Variants in TERB1 observed in about 807,000 individuals in gnomAD.
TERB1 encodes telomere repeats-binding bouquet formation protein 1.
In TERB1, 63 loss-of-function variants were observed where a neutral mutation model predicts 92.3. The ratio of observed to expected loss-of-function variants is 0.68; its 90% confidence interval spans 0.56 to 0.84. The LOEUF (loss-of-function observed/expected upper bound fraction) is 0.84, where lower values mean the gene tolerates loss of function less well. Ranked by LOEUF, TERB1 falls within the 40% of genes least tolerant of loss-of-function variation. The probability of loss-of-function intolerance (pLI) is 0.00; values close to 1 mark genes in which losing one functional copy is unlikely to be tolerated. For missense variants in TERB1, 709 were observed against 843.7 expected, an observed-to-expected ratio of 0.84 and a Z score of 1.98; for synonymous variants, 252 against 283.9, an observed-to-expected ratio of 0.89 and a Z score of 1.13.
At chr16:66,755,386 T>C (rs576905464) in intron 18 of TERB1, among the ~76,000 whole-genome samples, 1 of 152,368 alleles carries the variant, frequency 6.6e-6, no homozygotes, top group South Asian at 2.1e-4. Flanking sequence ...TAATTATAAC[T>C]TAATTGACAG....
chr16:66,771,909 G>T (rs1464541221), intron 13 of TERB1, among the ~76,000 whole-genome samples: 1 of 151,952 alleles, frequency 6.6e-6, no homozygotes, highest in Non-Finnish European at 1.5e-5. Context: ...TGCATACATA[G>T]AAAAATATAT....
chr16:66,759,822 A>AAG (rs1567464387), intron 16 of TERB1, among the ~76,000 whole-genome samples: 5 of 144,632 alleles, frequency 3.5e-5, no homozygotes, highest in Middle Eastern at 3.7e-3. Flanking sequence ...AAAAAAAAGG[A>AAG]AAGAAAGAAA....
chr16:66,786,344 G>A, intron 6 of TERB1, 59 bp from the exon 7 acceptor site: 10 of 1,166,636 alleles, frequency 8.6e-6, no homozygotes, highest in Non-Finnish European at 1.2e-5. Flanking sequence ...TTGCAGAAAT[G>A]AAGAACAGTT....
intron 10 of TERB1, among the ~76,000 whole-genome samples, 191 bp downstream of exon 10, chr16:66,778,672 C>T (rs1047031625): frequency 2.6e-5 from 4 of 152,344 alleles, no homozygotes; most frequent in Non-Finnish European, 5.9e-5. Flanking sequence ...CCCGCCTTGG[C>T]CTCCCAAAGT....
intron 13 of TERB1, among the ~76,000 whole-genome samples, 173 bp from the exon 14 acceptor site, chr16:66,770,482 A>T (rs1289554470): frequency 6.6e-6 from 1 of 152,210 alleles, no homozygotes; most frequent in Non-Finnish European, 1.5e-5. Flanking sequence ...ATTAAACAAT[A>T]TTGGGACAAT....
intron 9 of TERB1, among the ~76,000 whole-genome samples, chr16:66,779,644 T>A (rs1484114839): frequency 6.6e-6 from 1 of 151,904 alleles, no homozygotes; most frequent in Non-Finnish European, 1.5e-5. Context: ...AAAAAACACC[T>A]AACCCTCAAC....
intron 12 of TERB1, among the ~76,000 whole-genome samples, chr16:66,774,803 T>C (rs2018517416): frequency 6.6e-6 from 1 of 151,764 alleles, no homozygotes; most frequent in Admixed American, 6.6e-5. Context: ...ATGATCCTTC[T>C]ACCTCAGCTT....
intron 3 of TERB1, among the ~76,000 whole-genome samples, chr16:66,792,214 C>T (rs528087116): frequency 2.0e-4 from 30 of 152,270 alleles, no homozygotes; most frequent in African/African-American, 4.3e-4. Flanking sequence ...TAAAATCCAA[C>T]GTGCATCCCT....
chr16:66,776,976 G>A (rs564180808), intron 11 of TERB1, among the ~76,000 whole-genome samples: 4 of 152,268 alleles, frequency 2.6e-5, no homozygotes, highest in Middle Eastern at 3.4e-3. Context: ...GAACTGGACA[G>A]AAAGGGATCA....
At chr16:66,761,333 T>G (rs887074164) in intron 16 of TERB1, among the ~76,000 whole-genome samples, 7 of 149,902 alleles carry the variant, frequency 4.7e-5, no homozygotes, top group Middle Eastern at 3.5e-3. Context: ...GTGCCTGTAA[T>G]CCCAGCTACT....
intron 2 of TERB1, among the ~76,000 whole-genome samples, chr16:66,799,595 T>G (rs1170397339): frequency 1.3e-5 from 2 of 152,208 alleles, no homozygotes; most frequent in African/African-American, 4.8e-5. Context: ...CCACACTCTT[T>G]TCTCCCTTTG....
rs1597004152 is a variant in TERB1 at position 66,755,300 on chromosome 16, A to T, written c.1997-137T>A. On this transcript the variant is annotated intron_variant, in intron 18 of 18. Coordinates refer to ENST00000433154, the MANE Select transcript of TERB1 (RefSeq NM_001136505.2). Reference sequence around the variant, plus strand: ...GTGAGAAATGCCAGGGCTTCTCATCATGTGGAAACCCACTTCAATTTTAAA... The same window carrying T: ...GTGAGAAATGCCAGGGCTTCTCATCTTGTGGAAACCCACTTCAATTTTAAA... The T allele has an allele frequency of 6.4e-6, 4 of 620,376 alleles. No individual in the cohort carries two copies. In the Admixed American group the frequency reaches 9.5e-5, roughly 15 times the overall value. 38.4% of individuals were successfully genotyped at this position (620,376 alleles called of 1,614,324 possible).
chr16:66,776,188 C>T (rs369040437), intron 11 of TERB1, among the ~76,000 whole-genome samples: 8 of 151,652 alleles, frequency 5.3e-5, no homozygotes, highest in African/African-American at 1.9e-4. Context: ...AATTAGCTGG[C>T]CCTGGTGGCG....
rs1959268129 is a variant in TERB1 at position 66,801,066 on chromosome 16, AGGACACTGGTTAGCC to A, written c.-109-28_-109-14del. 1.3e-5 allele frequency: 2 copies of A among 152,364 alleles called. No homozygotes were observed. The highest frequency in any genetic ancestry group is 4.8e-5 in the African/African-American group (2 of 41,456). 9.4% of individuals were successfully genotyped at this position (152,364 alleles called of 1,614,324 possible). ...GGGCTCGCAAGTCCTGCGTGGGAGC[AGGACACTGGTTAGCC>A]GCGCGGGCCACTCGTGAGCCATCAG... On this transcript the variant is annotated splice_polypyrimidine_tract_variant and intron_variant, in intron 1 of 18. Transcript: ENST00000433154.
At chr16:66,755,443 T>C (rs997181269) in intron 18 of TERB1, among the ~76,000 whole-genome samples, 23 of 152,228 alleles carry the variant, frequency 1.5e-4, no homozygotes, top group African/African-American at 5.5e-4. Context: ...TTATAAACAT[T>C]TGATTGTTAA....
intron 16 of TERB1, among the ~76,000 whole-genome samples, chr16:66,759,797 C>CAAAA (rs762588462): frequency 6.5e-5 from 2 of 30,766 alleles, no homozygotes; most frequent in South Asian, 1.1e-3. Flanking sequence ...GACTCTGTCT[C>CAAAA]AAAAAAAAAA....
At chr16:66,774,359 G>A (rs1187282093) in intron 12 of TERB1, among the ~76,000 whole-genome samples, 1 of 151,378 alleles carries the variant, frequency 6.6e-6, no homozygotes, top group Non-Finnish European at 1.5e-5. Context: ...CTAATTTTTT[G>A]TATTTTTAGT....
At chr16:66,765,847 G>GTTTTT (rs2018333047) in intron 16 of TERB1, among the ~76,000 whole-genome samples, 1 of 106,634 alleles carries the variant, frequency 9.4e-6, no homozygotes, top group Non-Finnish European at 1.9e-5. Context: ...AAACTATTGG[G>GTTTTT]TATTTTTTTT....
At chr16:66,772,272 G>GCATTCAAGA (rs1448436632) in intron 13 of TERB1, among the ~76,000 whole-genome samples, 2 of 152,166 alleles carry the variant, frequency 1.3e-5, no homozygotes, top group Non-Finnish European at 2.9e-5. Flanking sequence ...TTGAGGTCAG[G>GCATTCAAGA]CATTCAAGAC....
Sources: allele counts gnomAD v4.1 joint callset (sites outside exome capture counted in the v4.1 genomes callset), GRCh38; gene constraint gnomAD v4.1.1; transcripts MANE v1.5; gene names NCBI Gene and HGNC (gene_info 2026-07-23, HGNC 2026-07-21).